Variants in PLCH1 observed in about 807,000 individuals in gnomAD.
The protein encoded by PLCH1 is 1-phosphatidylinositol 4,5-bisphosphate phosphodiesterase eta-1.
PLCH1 carries 60 observed loss-of-function variants against 126.7 expected under a neutral mutation model. The observed-to-expected ratio is 0.47, with a 90% confidence interval of 0.38 to 0.59. PLCH1 has a LOEUF of 0.59. Ranked by LOEUF, PLCH1 falls within the 20% of genes least tolerant of loss-of-function variation. PLCH1 has a pLI of 0.00. For synonymous variants in PLCH1, 719 were observed against 734.9 expected (o/e 0.98, Z 0.35); for missense variants, 1,723 against 2,040.0 (o/e 0.84, Z 2.99).
intron 2 of PLCH1, among the ~76,000 whole-genome samples, chr3:155,607,210 T>C (rs956449942): frequency 6.6e-6 from 1 of 152,132 alleles, no homozygotes; most frequent in African/African-American, 2.4e-5. Flanking sequence ...TGGTCTAAAA[T>C]GCGAAAGAGA....
chr3:155,743,401 G>A (rs899708885), intron 1 of PLCH1: 1 of 383,510 alleles, frequency 2.6e-6, no homozygotes, highest in Non-Finnish European at 5.0e-6. Context: ...GCGTGGTGGC[G>A]GGAGCCTGTA....
chr3:155,452,600 T>C (rs971998674), intron 21 of PLCH1, among the ~76,000 whole-genome samples: 11 of 152,246 alleles, frequency 7.2e-5, no homozygotes, highest in African/African-American at 1.7e-4. Flanking sequence ...GGTACCTTTA[T>C]GGCCAGATCA....
chr3:155,486,038 T>G, intron 21 of PLCH1: 1 of 712,736 alleles, frequency 1.4e-6, no homozygotes. Flanking sequence ...AACAGATGCA[T>G]GTTTCAAAGT....
chr3:155,561,404 A>T (rs936555636), intron 8 of PLCH1, among the ~76,000 whole-genome samples: 7 of 151,136 alleles, frequency 4.6e-5, no homozygotes, highest in African/African-American at 1.7e-4. Flanking sequence ...TGTTCTTGCG[A>T]TAGTTTCCTG....
Position 155,519,287 on chromosome 3 carries a change from C to T in PLCH1, c.1471-4403G>A, listed in dbSNP as rs116086514. ...CTCTGGGCCAATGGGTGAGAAAGGA[C>T]GCTGCAGCTGGGGGCTGGGGGAGAG... On this transcript the variant is annotated intron_variant, in intron 11 of 22. Coordinates refer to ENST00000460012, the MANE Select transcript of PLCH1 (RefSeq NM_014996.4). Among the ~76,000 whole-genome samples the T allele has an allele frequency of 5.9e-3, 904 of 152,184 alleles. 7 individuals are homozygous for T. Among genetic ancestry groups the T allele is most frequent in the African/African-American group, 0.021 (860 of 41,508 alleles).
intron 2 of PLCH1, among the ~76,000 whole-genome samples, chr3:155,691,557 T>C (rs1242538071): frequency 6.6e-6 from 1 of 152,212 alleles, no homozygotes; most frequent in Non-Finnish European, 1.5e-5. Context: ...TTCTCACATG[T>C]AGCGTAACAG....
chr3:155,674,634 C>A (rs1283745908), intron 2 of PLCH1, among the ~76,000 whole-genome samples: 1 of 152,024 alleles, frequency 6.6e-6, no homozygotes, highest in Non-Finnish European at 1.5e-5. Context: ...AATAGAAAAT[C>A]TATTAAATAA....
At chr3:155,665,973 C>A (rs1742677030) in intron 2 of PLCH1, among the ~76,000 whole-genome samples, 1 of 152,218 alleles carries the variant, frequency 6.6e-6, no homozygotes, top group Non-Finnish European at 1.5e-5. Context: ...AGCATCTTCT[C>A]ATATCAATCA....
chr3:155,513,176 T>G (rs1354079122), intron 12 of PLCH1, among the ~76,000 whole-genome samples: 1 of 152,224 alleles, frequency 6.6e-6, no homozygotes, highest in Non-Finnish European at 1.5e-5. Flanking sequence ...GACATATGTA[T>G]CTGGCACAGA....
intron 22 of PLCH1, among the ~76,000 whole-genome samples, chr3:155,483,990 AATT>A (rs1475617000): frequency 6.6e-6 from 1 of 152,200 alleles, no homozygotes; most frequent in Non-Finnish European, 1.5e-5. Context: ...AACCTCAAAA[AATT>A]ATAAAGAAAA....
chr3:155,742,186 A>G (rs949357464), intron 1 of PLCH1: 1 of 152,208 alleles, frequency 6.6e-6, no homozygotes, highest in Non-Finnish European at 1.5e-5. Context: ...TGCCTTATAT[A>G]TAATACGTTC....
intron 12 of PLCH1, among the ~76,000 whole-genome samples, chr3:155,512,340 C>T (rs1354322924): frequency 6.6e-6 from 1 of 152,110 alleles, no homozygotes; most frequent in Non-Finnish European, 1.5e-5. Context: ...ATATACATAA[C>T]GACAAGAGCA....
At position 155,514,854 on chromosome 3, in the gene PLCH1, A is replaced by G; in HGVS notation, c.1501T>C (p.Ser501Pro). Residue 501 changes from serine (S) to proline (P), a missense_variant, in exon 12 of 23, where the codon TCT becomes CCT. By Grantham distance (74) the Ser-to-Pro change is moderately conservative. Coordinates refer to ENST00000460012, the MANE Select transcript of PLCH1 (RefSeq NM_014996.4). ...GACTCCAGTTTTTTCCTTATGAAAG[A>G]TTCCACCTGATGCTCAGTGGTCCCA... ...SNGTTEHQVESFIRKKLESLL... is the reference protein window; with the variant it reads ...SNGTTEHQVEPFIRKKLESLL... 8.1e-6 allele frequency: 13 copies of G among 1,610,254 alleles called. No homozygotes were observed. The highest frequency in any genetic ancestry group is 1.1e-5 in the Non-Finnish European group (13 of 1,177,878).
At chr3:155,586,416 G>A (rs1169488448) in intron 4 of PLCH1, among the ~76,000 whole-genome samples, 2 of 152,126 alleles carry the variant, frequency 1.3e-5, no homozygotes, top group African/African-American at 4.8e-5. Context: ...AGGGGGTAAG[G>A]GGGTTCCCGG....
chr3:155,683,392 CAT>C (rs1744683601), intron 2 of PLCH1, among the ~76,000 whole-genome samples: 1 of 152,194 alleles, frequency 6.6e-6, no homozygotes, highest in Non-Finnish European at 1.5e-5. Context: ...TAAAATCTCT[CAT>C]AGACTCAGAA....
chr3:155,529,193 T>A (rs985794545), intron 10 of PLCH1, among the ~76,000 whole-genome samples: 1 of 152,206 alleles, frequency 6.6e-6, no homozygotes, highest in African/African-American at 2.4e-5. Context: ...ACTCTAGAAT[T>A]AATTTGTCTA....
In PLCH1 at chr3:155,482,188, C is replaced by G. The variant is rs1240509353; in HGVS notation, c.3838G>C (p.Asp1280His). Residue 1280 changes from aspartate (D) to histidine (H), a missense_variant, in exon 23 of 23, where the codon GAT becomes CAT. Physicochemically the swap from Asp to His is moderately conservative, Grantham distance 81 (BLOSUM62 -1). This residue lies in a region of PLCH1 where 947 missense variants were observed against 977.1 expected (regional missense o/e 0.97). Transcript: ENST00000460012. ...TTGGCCTTACTAGAAAGGTCATCAT[C>G]TGGTTTGGTTTTAGAGATGGGAGTG... ...TCTPISKTKP[D>H]DDLSSKAKTA... 1 of 1,614,166 alleles carries G rather than the reference C, an allele frequency of 6.2e-7. No homozygotes were observed.
At chr3:155,524,741 G>T (rs1225740221) in intron 10 of PLCH1, among the ~76,000 whole-genome samples, 2 of 152,128 alleles carry the variant, frequency 1.3e-5, no homozygotes, top group African/African-American at 4.8e-5. Flanking sequence ...CTGGAGCCAG[G>T]CCCAGTGGCT....
At chr3:155,555,996 C>T (rs965119859) in intron 8 of PLCH1, among the ~76,000 whole-genome samples, 1 of 152,194 alleles carries the variant, frequency 6.6e-6, no homozygotes, top group Non-Finnish European at 1.5e-5. Flanking sequence ...TCTGAGGAAA[C>T]TAAAATGTCT....
Sources: allele counts gnomAD v4.1 joint callset (sites outside exome capture counted in the v4.1 genomes callset), GRCh38; gene constraint gnomAD v4.1.1; regional missense constraint gnomAD v4.1.1; transcripts MANE v1.5; gene names NCBI Gene and HGNC (gene_info 2026-07-23, HGNC 2026-07-21).